Variants in SLC45A1 observed in about 807,000 individuals in gnomAD.
SLC45A1 encodes the protein proton-associated sugar transporter A.
A neutral mutation model predicts 57.6 loss-of-function variants in SLC45A1; 28 were observed. That is an observed-to-expected ratio of 0.49 (90% CI 0.36 to 0.67). SLC45A1 has a LOEUF of 0.67. SLC45A1 is among the 30% of genes least tolerant of loss of function. The pLI, the probability that SLC45A1 is intolerant of heterozygous loss-of-function variation, is 0.00. For missense variants in SLC45A1, 814 were observed against 1,041.5 expected, an observed-to-expected ratio of 0.78 and a Z score of 3.01; for synonymous variants, 459 against 471.5, an observed-to-expected ratio of 0.97 and a Z score of 0.34.
At chr1:8,323,507 A>G (rs1305936785) in intron 1 of SLC45A1, among the ~76,000 whole-genome samples, 1 of 125,074 alleles carries the variant, frequency 8.0e-6, no homozygotes, top group African/African-American at 2.7e-5. Context: ...AAAAAAAAAA[A>G]AAAAGTAAGT....
chr1:8,331,055 T>G lies in SLC45A1; in HGVS notation c.1443+119T>G. Reference sequence around the variant, plus strand: ...AAGAAATTCCCGGCTGTTATGGGGGTGTTATCAAGTGCTTTGACCTAAAGA... The same window carrying G: ...AAGAAATTCCCGGCTGTTATGGGGGGGTTATCAAGTGCTTTGACCTAAAGA... On this transcript the variant is annotated intron_variant, in intron 5 of 8. Coordinates refer to ENST00000471889, the MANE Select transcript of SLC45A1 (RefSeq NM_001080397.3). 5.4e-6 allele frequency: 7 copies of G among 1,298,110 alleles called. No individual in the cohort carries two copies. In the South Asian group the frequency reaches 8.9e-5, roughly 17 times the overall value. The allele number at this position is 1,298,110 out of a possible 1,614,324, so 80.4% of individuals were successfully genotyped here. A position where few individuals can be genotyped will look rare whatever the true frequency, so the allele number is the denominator to read the frequency against.
At position 8,325,854 on chromosome 1, in the gene SLC45A1, G is replaced by C; in HGVS notation, c.527G>C (p.Arg176Pro). ...GGCCTCTCGCTCTTGCTGAATGGCC[G>C]GGACATTGGCATCGCCCTGGCTGAC... ...LLGLSLLLNG[R>P]DIGIALADVT... is the part of the protein sequence containing the mutation. Residue 176 changes from arginine (R) to proline (P), a missense_variant, in exon 4 of 9, where the codon CGG (arginine) becomes CCG (proline). Transcript: ENST00000471889. This position sits in a 1 kb window ranked among gnomAD's most constrained non-coding sequence, Gnocchi z 6.3. The C allele has an allele frequency of 1.2e-6, 2 of 1,613,790 alleles. No homozygotes were observed. Among genetic ancestry groups the C allele is most frequent in the South Asian group, 2.2e-5 (2 of 91,084 alleles).
chr1:8,323,245 C>A (rs532808392), intron 1 of SLC45A1, among the ~76,000 whole-genome samples: 1 of 152,104 alleles, frequency 6.6e-6, no homozygotes, highest in Non-Finnish European at 1.5e-5. Context: ...GTAATCCCAG[C>A]ACTTTGGGAG....
At position 8,343,996 on chromosome 1, in the gene SLC45A1, C is replaced by T; in HGVS notation, c.2230C>T (p.Leu744Phe). The change falls in exon 9 of 9, where the codon CTC becomes TTC. Residue 744 changes from leucine to phenylalanine, a missense_variant. Physicochemically the swap from Leu to Phe is conservative, Grantham distance 22. Coordinates refer to ENST00000471889, the MANE Select transcript of SLC45A1 (RefSeq NM_001080397.3). The surrounding 1 kb of genome is among the most constrained non-coding windows in gnomAD (Gnocchi z 7.7). ...SDAADEEHRP[L>F]LLNV ...CGCTGCAGACGAGGAGCACCGGCCC[C>T]TCCTGCTGAACGTCTGACATCGCGG... is the stretch of plus-strand genomic sequence containing the variant. 3 of 1,609,204 alleles carry T rather than the reference C, an allele frequency of 1.9e-6. No individual in the cohort carries two copies. Among genetic ancestry groups the T allele is most frequent in the Non-Finnish European group, 2.5e-6 (3 of 1,176,806 alleles).
chr1:8,322,022 GATGGATGGGTGA>G (rs1640027221), intron 1 of SLC45A1, among the ~76,000 whole-genome samples: 2 of 100,704 alleles, frequency 2.0e-5, no homozygotes, highest in African/African-American at 8.0e-5. Flanking sequence ...TGGATGGATG[GATGGATGGGTGA>G]GTGGGTGGGT....
chr1:8,330,929 G>T lies in SLC45A1; in HGVS notation c.1436G>T (p.Ser479Ile). 1 of 1,587,974 alleles carries T rather than the reference G, an allele frequency of 6.3e-7. No individual in the cohort carries two copies. Among genetic ancestry groups the T allele is most frequent in the Non-Finnish European group, 8.6e-7 (1 of 1,163,010 alleles). Residue 479 changes from serine to isoleucine, a missense_variant, in exon 5 of 9, where the codon AGT (serine) becomes ATT (isoleucine). Ser to Ile is a moderately radical substitution (Grantham distance 142). Coordinates refer to ENST00000471889, the MANE Select transcript of SLC45A1 (RefSeq NM_001080397.3). The surrounding 1 kb of genome is among the most constrained non-coding windows in gnomAD (Gnocchi z 8.4). The part of the protein sequence containing the change: ...ETSRRRNVTF[S>I]QQVANILLNG... The stretch of plus-strand genomic sequence containing the variant: ...AGCAGGAGAAGGAATGTGACCTTCA[G>T]TCAGCAGGTAACAGCAAATGTCGGG...
rs537167367 is a variant in SLC45A1, at chr1:8,319,780, G to A, written c.-25+1594G>A. On this transcript the variant is annotated intron_variant, in intron 1 of 8. Coordinates refer to ENST00000471889, the MANE Select transcript of SLC45A1 (RefSeq NM_001080397.3). ...TGCCCAGGCTGGAGTGCAGTGGTGC[G>A]ATCTCAGCTCGCTACAACCTCCACC... is the stretch of plus-strand genomic sequence containing the variant. Among the ~76,000 whole-genome samples the A allele has an allele frequency of 5.6e-4, 85 of 152,142 alleles. 1 individual carries two copies. Among genetic ancestry groups the A allele is most frequent in the African/African-American group, 2.0e-3 (85 of 41,490 alleles).
chr1:8,330,337 G>C lies in SLC45A1; in HGVS notation c.844G>C (p.Val282Leu), dbSNP rs762902307. 13 of 1,613,328 alleles carry C rather than the reference G, an allele frequency of 8.1e-6. No individual in the cohort carries two copies. The Admixed American group carries it at 1.5e-4, about 19-fold the overall frequency. The change falls in exon 5 of 9, where the codon GTC becomes CTC. Residue 282 changes from valine to leucine, a missense_variant. Transcript: ENST00000471889. This position sits in a 1 kb window ranked among gnomAD's most constrained non-coding sequence, Gnocchi z 8.4. ...TGCGGTCACCCTGAGCGTCACCACC[G>C]TCCTGACCCTGGTCAGCATCCCTGA... ...FTAVTLSVTT[V>L]LTLVSIPERP... is the part of the protein sequence containing the mutation.
intron 8 of SLC45A1, among the ~76,000 whole-genome samples, chr1:8,341,835 G>A (rs894528346): frequency 6.6e-6 from 1 of 151,880 alleles, no homozygotes; most frequent in Non-Finnish European, 1.5e-5. Context: ...CAGGAGAATG[G>A]CTTGAACCTG....
intron 8 of SLC45A1, 144 bp downstream of exon 8, chr1:8,339,842 G>T (rs900699605): frequency 2.6e-6 from 2 of 781,792 alleles, no homozygotes; most frequent in South Asian, 1.6e-5. Flanking sequence ...ACCAAGGGGG[G>T]CCCTTCTGAG....
chr1:8,326,035 C>T lies in SLC45A1; in HGVS notation c.708C>T (p.Leu236=), dbSNP rs775819276. 3 of 1,602,188 alleles carry T rather than the reference C, an allele frequency of 1.9e-6. No homozygotes were observed. The highest frequency in any genetic ancestry group is 2.5e-6 in the Non-Finnish European group (3 of 1,179,776). ...ACCGAGGCCTGAACATCCACGCCCT[C>T]CTGGCAGGTGAGTCTCCGCAGCAGG... ...DQDRGLNIHA[L]LAGLGGGFGY... Residue 236 remains leucine, a synonymous_variant, in exon 4 of 9, where the codon CTC becomes CTT. Transcript: ENST00000471889. This position sits in a 1 kb window ranked among gnomAD's most constrained non-coding sequence, Gnocchi z 5.5.
rs1449166614 is a variant in SLC45A1 at position 8,330,807 on chromosome 1, C to G, written c.1314C>G (p.Gly438=). 3.7e-6 allele frequency: 6 copies of G among 1,613,522 alleles called. No individual in the cohort carries two copies. In the South Asian group the frequency reaches 6.6e-5, roughly 18 times the overall value. The part of the protein sequence containing the change: ...SGCDGDILRV[G]SLDTSKPRSS... ...GTGACGGGGACATTCTGAGGGTGGG[C>G]TCCTTGGACACCTCTAAGCCGAGGT... Residue 438 remains glycine (G), a synonymous_variant, in exon 5 of 9, where the codon GGC becomes GGG. Coordinates refer to ENST00000471889, the MANE Select transcript of SLC45A1 (RefSeq NM_001080397.3). The surrounding 1 kb of genome is among the most constrained non-coding windows in gnomAD (Gnocchi z 8.4).
intron 5 of SLC45A1, among the ~76,000 whole-genome samples, chr1:8,332,791 G>A (rs1035568798): frequency 2.6e-5 from 4 of 152,148 alleles, no homozygotes; most frequent in Non-Finnish European, 2.9e-5. Flanking sequence ...GATTACAGGC[G>A]TGAGCAACCA....
At position 8,328,957 on chromosome 1, in the gene SLC45A1, G is replaced by A. The variant is rs1312212636; in HGVS notation, c.716-1252G>A. On this transcript the variant is annotated intron_variant, in intron 4 of 8. Transcript: ENST00000471889. The surrounding 1 kb of genome is among the most constrained non-coding windows in gnomAD (Gnocchi z 4.6). The stretch of plus-strand genomic sequence containing the variant: ...AGGGAAGGCAATTAGAATCATGAGT[G>A]TGGGAAGTCAAGAATAATAAAATGC... 1.3e-5 allele frequency among the ~76,000 whole-genome samples: 2 copies of A among 152,202 alleles called. No homozygotes were observed. The highest frequency in any genetic ancestry group is 1.3e-4 in the Admixed American group (2 of 15,274).
intron 8 of SLC45A1, 77 bp downstream of exon 8, chr1:8,339,775 C>A (rs1170300960): frequency 3.9e-6 from 5 of 1,290,818 alleles, no homozygotes; most frequent in East Asian, 4.6e-5. Context: ...CCAGGACCAG[C>A]TGCACAATCT....
In SLC45A1 at chr1:8,338,082, G is replaced by A. The variant is rs985462329; in HGVS notation, c.1774+90G>A. The A allele has an allele frequency of 8.2e-6, 10 of 1,212,614 alleles. No homozygotes were observed. In the East Asian group the frequency reaches 1.2e-4, roughly 15 times the overall value. The allele number at this position is 1,212,614 out of a possible 1,614,324, so 75.1% of individuals were successfully genotyped here. A position where few individuals can be genotyped will look rare whatever the true frequency, so the allele number is the denominator to read the frequency against. The stretch of plus-strand genomic sequence containing the variant: ...AATGAAGGCAGGTTCATGGCCTTAC[G>A]ATTGCAGACACCACATCCCAATTTG... On this transcript the variant is annotated intron_variant, in intron 7 of 8. Coordinates refer to ENST00000471889, the MANE Select transcript of SLC45A1 (RefSeq NM_001080397.3).
intron 1 of SLC45A1, 100 bp from the exon 2 acceptor site, chr1:8,324,206 G>T: frequency 9.3e-7 from 1 of 1,070,478 alleles, no homozygotes; most frequent in South Asian, 1.5e-5. Context: ...GCTTTCGGGG[G>T]ATGGTGTTTG....
At chr1:8,321,571 A>G (rs774168075) in intron 1 of SLC45A1, among the ~76,000 whole-genome samples, 9 of 152,286 alleles carry the variant, frequency 5.9e-5, no homozygotes, top group Non-Finnish European at 1.2e-4. Context: ...ACTCAAGGAC[A>G]AGAACTGTGT....
intron 6 of SLC45A1, among the ~76,000 whole-genome samples, chr1:8,337,286 C>A (rs549420543): frequency 4.1e-4 from 63 of 152,328 alleles, no homozygotes; most frequent in Non-Finnish European, 6.6e-4. Flanking sequence ...TGGGAAAGAC[C>A]CAACCCCATG....
Sources: gnomAD v4.1 joint callset for allele counts (sites outside exome capture counted in the v4.1 genomes callset) on GRCh38, gnomAD v4.1.1 for gene constraint, Gnocchi (gnomAD v3.1) non-coding constraint, MANE v1.5 for transcripts, NCBI Gene and HGNC (gene_info 2026-07-23, HGNC 2026-07-21) for gene names.